Variants in TRAF3 observed in about 807,000 individuals in gnomAD.
The protein encoded by TRAF3 is TNF receptor associated factor 3.
In TRAF3, 13 loss-of-function variants were observed where a neutral mutation model predicts 62.3. The ratio of observed to expected loss-of-function variants is 0.21; its 90% CI spans 0.14 to 0.33. The LOEUF (loss-of-function observed/expected upper bound fraction) is 0.33. TRAF3 is among the 10% of genes least tolerant of loss of function. The pLI is 1.00. For synonymous variants in TRAF3, 269 were observed against 283.4 expected (o/e 0.95, Z 0.51); for missense variants, 440 against 741.8 (o/e 0.59, Z 4.73).
At position 102,881,433 on chromosome 14, in the gene TRAF3, T is replaced by C. The variant is rs533296252; in HGVS notation, c.571-4756T>C. Among the ~76,000 whole-genome samples, 5 of 151,524 alleles carry C rather than the reference T, an allele frequency of 3.3e-5. No individual in the cohort carries two copies. The South Asian group carries it at 1.0e-3, about 32-fold the overall frequency. The stretch of plus-strand genomic sequence containing the variant: ...AAAGAAAAAAAGGAAGGAGATCATC[T>C]ACTTTGCAGGGACGTGGATGGAGCT... On this transcript the variant is annotated intron_variant, in intron 6 of 11. Coordinates refer to ENST00000392745, the MANE Select transcript of TRAF3 (RefSeq NM_145725.3).
chr14:102,849,217 A>G (rs1886892148), intron 2 of TRAF3, among the ~76,000 whole-genome samples: 1 of 152,250 alleles, frequency 6.6e-6, no homozygotes. Flanking sequence ...TTGACACTCC[A>G]GGAAGATGAA....
chr14:102,855,623 C>G (rs1887316891), intron 2 of TRAF3, among the ~76,000 whole-genome samples: 1 of 152,022 alleles, frequency 6.6e-6, no homozygotes, highest in Non-Finnish European at 1.5e-5. Flanking sequence ...TGGTGAAACC[C>G]CATCTCTACT....
chr14:102,899,850 T>C (rs1191051207), intron 10 of TRAF3, among the ~76,000 whole-genome samples: 1 of 152,158 alleles, frequency 6.6e-6, no homozygotes, highest in Non-Finnish European at 1.5e-5. Context: ...GAGTTCTTAA[T>C]ATTTTACTTC....
At chr14:102,837,336 A>G (rs1886087586) in intron 2 of TRAF3, among the ~76,000 whole-genome samples, 1 of 152,024 alleles carries the variant, frequency 6.6e-6, no homozygotes, top group African/African-American at 2.4e-5. Context: ...ATGGGGTCTC[A>G]CTATGTTGCC....
intron 1 of TRAF3, among the ~76,000 whole-genome samples, chr14:102,781,802 T>TTC (rs1161814259): frequency 6.7e-6 from 1 of 149,050 alleles, no homozygotes; most frequent in East Asian, 2.0e-4. Flanking sequence ...ATTTTTTTTT[T>TTC]TTTTTTTTGA....
At chr14:102,815,051 T>C (rs1899431188) in intron 1 of TRAF3, among the ~76,000 whole-genome samples, 1 of 152,154 alleles carries the variant, frequency 6.6e-6, no homozygotes, top group Non-Finnish European at 1.5e-5. Context: ...GCCTACTGCC[T>C]TAGCCTCCTG....
chr14:102,787,469 G>T (rs1486551351), intron 1 of TRAF3, among the ~76,000 whole-genome samples: 2 of 150,958 alleles, frequency 1.3e-5, no homozygotes, highest in Non-Finnish European at 2.9e-5. Flanking sequence ...TTGAGGTCAG[G>T]AGTTCGAGAC....
At position 102,778,826 on chromosome 14, in the gene TRAF3, G is replaced by A. The variant is rs552671332; in HGVS notation, c.-157+1151G>A. On this transcript the variant is annotated intron_variant, in intron 1 of 11. Coordinates refer to ENST00000392745, the MANE Select transcript of TRAF3 (RefSeq NM_145725.3). ...AATTCTTACTGTAGGGAATGGCCAA[G>A]TGGACCATCAGTTCGTCCTGAGATC... Among the ~76,000 whole-genome samples, 7 of 152,294 alleles carry A rather than the reference G, an allele frequency of 4.6e-5. No homozygotes were observed. In the South Asian group the frequency reaches 1.2e-3, roughly 27 times the overall value.
chr14:102,838,057 T>C (rs1212190912), intron 2 of TRAF3, among the ~76,000 whole-genome samples: 1 of 152,212 alleles, frequency 6.6e-6, no homozygotes, highest in Non-Finnish European at 1.5e-5. Flanking sequence ...ATAACAGACA[T>C]AGTAGTTAAG....
Position 102,905,199 on chromosome 14 carries a change from C to T in TRAF3, c.1136-14C>T. 6.2e-7 allele frequency: 1 copy of T among 1,612,700 alleles called. No homozygotes were observed. The highest frequency in any genetic ancestry group is 8.5e-7 in the Non-Finnish European group (1 of 1,179,872). On this transcript the variant is annotated splice_polypyrimidine_tract_variant and intron_variant, in intron 11 of 11. Coordinates refer to ENST00000392745, the MANE Select transcript of TRAF3 (RefSeq NM_145725.3). Reference sequence around the variant, plus strand: ...CACCTGTCTCATTCACCAAACCCTCCTCACCTGTGGCAGGCCTGCTGGAGT... The same window carrying T: ...CACCTGTCTCATTCACCAAACCCTCTTCACCTGTGGCAGGCCTGCTGGAGT...
chr14:102,845,080 TAG>T (rs1886614072), intron 2 of TRAF3, among the ~76,000 whole-genome samples: 1 of 151,902 alleles, frequency 6.6e-6, no homozygotes, highest in Admixed American at 6.6e-5. Flanking sequence ...GTATTTTTAG[TAG>T]AGACAGGGTT....
chr14:102,868,870 C>G (rs904840725), intron 2 of TRAF3, among the ~76,000 whole-genome samples: 3 of 152,196 alleles, frequency 2.0e-5, no homozygotes, highest in African/African-American at 7.2e-5. Context: ...GAGGTCTCAT[C>G]TGGCAGAGCT....
At chr14:102,777,919 CGGAGGCCGGGCTCGGGGCCCGA>C (rs1897092449) in intron 1 of TRAF3, among the ~76,000 whole-genome samples, 1 of 149,742 alleles carries the variant, frequency 6.7e-6, no homozygotes, top group South Asian at 2.1e-4. Flanking sequence ...AACTTTGTCC[CGGAGGCCGGGCTCGGGGCCCGA>C]GGGGGCCGGG....
intron 6 of TRAF3, among the ~76,000 whole-genome samples, chr14:102,877,837 C>T (rs1192336980): frequency 3.5e-5 from 5 of 143,690 alleles, no homozygotes; most frequent in African/African-American, 5.2e-5. Context: ...TCCGCAGGCC[C>T]TCCCTCAACT....
In TRAF3 at chr14:102,795,825, C is replaced by T. The variant is rs940219205; in HGVS notation, c.-157+18150C>T. Among the ~76,000 whole-genome samples the T allele has an allele frequency of 2.9e-4, 44 of 152,084 alleles. 1 individual carries two copies. Among genetic ancestry groups the T allele is most frequent in the African/African-American group, 1.0e-3 (42 of 41,400 alleles). ...CTGCACAGAGAGGCCAAGATAAGTCCGAACAGACAGGCCTTGCTGGGTTTA... is the reference window on the plus strand; with the variant it reads ...CTGCACAGAGAGGCCAAGATAAGTCTGAACAGACAGGCCTTGCTGGGTTTA... On this transcript the variant is annotated intron_variant, in intron 1 of 11. Coordinates refer to ENST00000392745, the MANE Select transcript of TRAF3 (RefSeq NM_145725.3).
At chr14:102,814,046 T>A (rs1899362824) in intron 1 of TRAF3, among the ~76,000 whole-genome samples, 1 of 152,206 alleles carries the variant, frequency 6.6e-6, no homozygotes, top group Admixed American at 6.5e-5. Flanking sequence ...TTGGGTCTTA[T>A]ATTTAGGTCT....
chr14:102,855,064 A>C (rs1887285653), intron 2 of TRAF3, among the ~76,000 whole-genome samples: 1 of 152,076 alleles, frequency 6.6e-6, no homozygotes, highest in Non-Finnish European at 1.5e-5. Context: ...CCTATTCTGT[A>C]TGTTTCATGT....
In TRAF3 at chr14:102,903,746, G is replaced by A. The variant is rs1276317337; in HGVS notation, c.1135+317G>A. 3 of 516,356 alleles carry A rather than the reference G, an allele frequency of 5.8e-6. No individual in the cohort carries two copies. Among genetic ancestry groups the A allele is most frequent in the Non-Finnish European group, 1.1e-5 (3 of 266,786 alleles). The allele number at this position is 516,356 out of a possible 1,614,324, so 32.0% of individuals were successfully genotyped here. On this transcript the variant is annotated intron_variant, in intron 11 of 11. Transcript: ENST00000392745. The surrounding 1 kb of genome is among the most constrained non-coding windows in gnomAD (Gnocchi z 6.4). Reference sequence around the variant, plus strand: ...AGGGTGACCCACAGGACAGGCCCAAGCGCAGATGGCAGAGGCCAGGACCTG... The same window carrying A: ...AGGGTGACCCACAGGACAGGCCCAAACGCAGATGGCAGAGGCCAGGACCTG...
At chr14:102,867,480 A>T (rs2139813678) in intron 2 of TRAF3, among the ~76,000 whole-genome samples, 1 of 152,240 alleles carries the variant, frequency 6.6e-6, no homozygotes, top group Middle Eastern at 3.4e-3. Context: ...GGGGAAAAGC[A>T]CAGAGCGGTA....
Sources: gnomAD v4.1 joint callset for allele counts (sites outside exome capture counted in the v4.1 genomes callset) on GRCh38, gnomAD v4.1.1 for gene constraint, Gnocchi (gnomAD v3.1) non-coding constraint, MANE v1.5 for transcripts, NCBI Gene and HGNC (gene_info 2026-07-23, HGNC 2026-07-21) for gene names.